Variants in ATP13A5 observed in about 807,000 individuals in gnomAD.
ATP13A5 encodes the protein probable cation-transporting ATPase 13A5.
ATP13A5 carries 149 observed loss-of-function variants against 150.2 expected under a neutral mutation model. The ratio of observed to expected loss-of-function variants is 0.99; its 90% CI spans 0.87 to 1.14. The LOEUF is 1.14. ATP13A5 is among the 50% of genes most tolerant of loss of function. ATP13A5 has a pLI of 0.00. For missense variants in ATP13A5, 1,383 were observed against 1,449.3 expected (o/e 0.95, Z 0.74); for synonymous variants, 497 against 522.2 (o/e 0.95, Z 0.66).
At chr3:193,309,851 A>AT (rs992842867) in intron 21 of ATP13A5, among the ~76,000 whole-genome samples, 4 of 151,822 alleles carry the variant, frequency 2.6e-5, no homozygotes, top group East Asian at 1.9e-4. Flanking sequence ...CAGTGCTTGA[A>AT]TTTTTTTTTA....
At chr3:193,344,523 A>T (rs1712251758) in intron 8 of ATP13A5, among the ~76,000 whole-genome samples, 1 of 152,202 alleles carries the variant, frequency 6.6e-6, no homozygotes, top group Non-Finnish European at 1.5e-5. Context: ...AACAGATGCC[A>T]AGTGTCCAGA....
Position 193,362,588 on chromosome 3 carries a change from T to C in ATP13A5, c.434A>G (p.Glu145Gly). Reference protein sequence around the residue: ...QKIRYVWNDLEKRFQKVGLLE... With the variant: ...QKIRYVWNDLGKRFQKVGLLE... ...TTACCCAACTTTCTGAAACCGCTTC[T>C]CCAGGTCGTTCCAAACATACCTGAT... Residue 145 changes from glutamate (E) to glycine (G), a missense_variant, in exon 4 of 30, where the codon GAG becomes GGG. Transcript: ENST00000342358. 6.2e-7 allele frequency: 1 copy of C among 1,614,182 alleles called. No homozygotes were observed. Among genetic ancestry groups the C allele is most frequent in the East Asian group, 2.2e-5 (1 of 44,882 alleles).
At chr3:193,282,762 A>C (rs915287036) in intron 27 of ATP13A5, among the ~76,000 whole-genome samples, 1 of 152,244 alleles carries the variant, frequency 6.6e-6, no homozygotes, top group Admixed American at 6.5e-5. Context: ...ACAAAAAGCA[A>C]GAATAAATGG....
At chr3:193,360,837 T>A (rs537308769) in intron 5 of ATP13A5, among the ~76,000 whole-genome samples, 17 of 152,278 alleles carry the variant, frequency 1.1e-4, no homozygotes, top group African/African-American at 4.1e-4. Flanking sequence ...CCACCACGCC[T>A]GGCTAACTTT....
intron 27 of ATP13A5, among the ~76,000 whole-genome samples, chr3:193,283,431 G>A (rs1457735141): frequency 1.4e-5 from 2 of 146,236 alleles, no homozygotes; most frequent in African/African-American, 4.9e-5. Context: ...AAAAAAATAA[G>A]TTTAAAAATG....
At chr3:193,353,095 AG>A (rs1712630714) in intron 6 of ATP13A5, among the ~76,000 whole-genome samples, 1 of 152,168 alleles carries the variant, frequency 6.6e-6, no homozygotes, top group South Asian at 2.1e-4. Flanking sequence ...TTTCCACCCA[AG>A]GGTGGAATGG....
intron 23 of ATP13A5, 66 bp from the exon 24 acceptor site, chr3:193,301,373 A>C: frequency 8.3e-7 from 1 of 1,202,816 alleles, no homozygotes; most frequent in Admixed American, 2.0e-5. Flanking sequence ...CTTCTTTTAT[A>C]CTTAAAACGA....
chr3:193,345,063 GC>G lies in ATP13A5; in HGVS notation c.753del (p.Lys251AsnfsTer18). ...SVYDLRQQSV[K>X]LHNLVEDHNK... Reference sequence around the variant, plus strand: ...TTGTGGTCCTCCACGAGGTTATGCAGCTTAACTGATTGCTACCAAGTAAAAG... The same window carrying G: ...TTGTGGTCCTCCACGAGGTTATGCAGTTAACTGATTGCTACCAAGTAAAAG... On this transcript the variant is annotated frameshift_variant, in exon 8 of 30. Coordinates refer to ENST00000342358, the MANE Select transcript of ATP13A5 (RefSeq NM_198505.4). LOFTEE classifies it high-confidence loss of function. The G allele has an allele frequency of 6.2e-7, 1 of 1,613,468 alleles. No homozygotes were observed. Among genetic ancestry groups the G allele is most frequent in the Non-Finnish European group, 8.5e-7 (1 of 1,179,526 alleles).
At chr3:193,348,608 T>C (rs1265871047) in intron 7 of ATP13A5, among the ~76,000 whole-genome samples, 1 of 152,202 alleles carries the variant, frequency 6.6e-6, no homozygotes, top group Admixed American at 6.5e-5. Context: ...TTGTGTAGCA[T>C]GATTTGGGGC....
At chr3:193,348,573 T>G (rs890292433) in intron 7 of ATP13A5, among the ~76,000 whole-genome samples, 1 of 152,222 alleles carries the variant, frequency 6.6e-6, no homozygotes, top group Non-Finnish European at 1.5e-5. Context: ...GGAGGGTTTC[T>G]TGGCTTAGGA....
intron 9 of ATP13A5, among the ~76,000 whole-genome samples, chr3:193,336,376 A>C (rs555715529): frequency 6.6e-6 from 1 of 152,000 alleles, no homozygotes; most frequent in East Asian, 1.9e-4. Context: ...TCCTAATGCT[A>C]TCCCTCCCCA....
Position 193,307,521 on chromosome 3 carries a change from G to A in ATP13A5, c.2526-152C>T, listed in dbSNP as rs1283315870. On this transcript the variant is annotated intron_variant, in intron 21 of 29. Coordinates refer to ENST00000342358, the MANE Select transcript of ATP13A5 (RefSeq NM_198505.4). ...TCAGGCTGAAGAAAAATGGTTTGGA[G>A]AGACATATTCCCAGAGGGAAAAGGC... The A allele has an allele frequency of 3.4e-6, 3 of 875,006 alleles. No individual in the cohort carries two copies. The African/African-American group carries it at 5.0e-5, about 15-fold the overall frequency. The allele number at this position is 875,006 out of a possible 1,614,324, so 54.2% of individuals were successfully genotyped here.
At chr3:193,371,111 C>T (rs1457769403) in intron 1 of ATP13A5, among the ~76,000 whole-genome samples, 2 of 152,196 alleles carry the variant, frequency 1.3e-5, no homozygotes, top group Non-Finnish European at 2.9e-5. Flanking sequence ...GATGAGATGC[C>T]TGGCCCAAGT....
At chr3:193,371,076 G>C (rs1330947335) in intron 1 of ATP13A5, among the ~76,000 whole-genome samples, 1 of 152,154 alleles carries the variant, frequency 6.6e-6, no homozygotes, top group African/African-American at 2.4e-5. Flanking sequence ...TAACAGCAGA[G>C]AGCTGTAAGT....
At chr3:193,291,209 TTA>T (rs3048435) in intron 25 of ATP13A5, among the ~76,000 whole-genome samples, 60,511 of 151,792 alleles carry the variant, frequency 0.4, 13,211 homozygotes, top group Non-Finnish European at 0.48. Context: ...TTCAACTCTT[TTA>T]TTCTAAAGCT....
chr3:193,362,724 T>C, intron 3 of ATP13A5, 87 bp from the exon 4 acceptor site: 1 of 1,190,308 alleles, frequency 8.4e-7, no homozygotes, highest in South Asian at 1.2e-5. Context: ...AGGATGCAGA[T>C]CCCCTTGTGG....
intron 14 of ATP13A5, 126 bp downstream of exon 14, chr3:193,324,738 G>C (rs1719409157): frequency 3.9e-6 from 4 of 1,022,982 alleles, no homozygotes; most frequent in Non-Finnish European, 5.7e-6. Flanking sequence ...AGTTCTGGTA[G>C]TGTTACACGC....
intron 27 of ATP13A5, among the ~76,000 whole-genome samples, chr3:193,280,043 G>A (rs1717413811): frequency 7.4e-6 from 1 of 135,542 alleles, no homozygotes; most frequent in African/African-American, 2.7e-5. Context: ...TCCTGTCTTG[G>A]CATGCTCCAA....
intron 27 of ATP13A5, among the ~76,000 whole-genome samples, chr3:193,283,118 C>A (rs1717571282): frequency 6.6e-6 from 1 of 151,948 alleles, no homozygotes; most frequent in African/African-American, 2.4e-5. Flanking sequence ...TACAGACAAA[C>A]ACATATATGA....
Sources: allele counts gnomAD v4.1 joint callset (sites outside exome capture counted in the v4.1 genomes callset), GRCh38; gene constraint gnomAD v4.1.1; transcripts MANE v1.5; gene names NCBI Gene and HGNC (gene_info 2026-07-23, HGNC 2026-07-21).